The following TENM2 variants were observed in gnomAD, a reference collection of about 807,000 sequenced individuals.
TENM2 encodes the protein teneurin-2.
A neutral mutation model predicts 245.2 loss-of-function variants in TENM2; 52 were observed. That is an observed-to-expected ratio of 0.21 (90% CI 0.17 to 0.27). The LOEUF is 0.27. Among genes scored for constraint, TENM2 ranks in the 10% least tolerant of loss-of-function variants. The pLI is 1.00. For missense variants in TENM2, 3,046 were observed against 3,666.8 expected, an observed-to-expected ratio of 0.83 and a Z score of 4.37; for synonymous variants, 1,363 against 1,438.9, an observed-to-expected ratio of 0.95 and a Z score of 1.19.
At chr5:167,898,421 T>G (rs1775419270) in intron 3 of TENM2, among the ~76,000 whole-genome samples, 1 of 152,092 alleles carries the variant, frequency 6.6e-6, no homozygotes, top group Non-Finnish European at 1.5e-5. Flanking sequence ...CCCTTTAAGC[T>G]TAAATTGGCA....
chr5:167,667,503 A>C (rs1440596006), intron 2 of TENM2, among the ~76,000 whole-genome samples: 1 of 152,198 alleles, frequency 6.6e-6, no homozygotes, highest in African/African-American at 2.4e-5. Context: ...AAGTGCATGG[A>C]ATTATTAGAT....
the TENM2 span, among the ~76,000 whole-genome samples, chr5:167,238,411 T>TA: frequency 1.3e-5 from 2 of 152,166 alleles, no homozygotes; most frequent in Non-Finnish European, 2.9e-5. Context: ...TCTTGCCACA[T>TA]AGAGTATTTC....
intron 2 of TENM2, among the ~76,000 whole-genome samples, chr5:167,613,171 A>G (rs1777582259): frequency 6.6e-6 from 1 of 152,200 alleles, no homozygotes; most frequent in Non-Finnish European, 1.5e-5. Flanking sequence ...GTGGGTTCAG[A>G]CACTGGCTCC....
the TENM2 span, among the ~76,000 whole-genome samples, chr5:167,193,321 C>T: frequency 6.6e-6 from 1 of 151,978 alleles, no homozygotes; most frequent in Non-Finnish European, 1.5e-5. Flanking sequence ...TGTGCAATTC[C>T]TGTGACTGTT....
chr5:167,671,810 A>G (rs1755965110), intron 2 of TENM2, among the ~76,000 whole-genome samples: 1 of 151,126 alleles, frequency 6.6e-6, no homozygotes, highest in African/African-American at 2.4e-5. Flanking sequence ...TAGAATAGGC[A>G]CAGATATTTT....
Position 167,311,707 on chromosome 5 carries a change from G to A in TENM2, c.226+26644G>A, listed in dbSNP as rs114618523. 9.3e-3 allele frequency among the ~76,000 whole-genome samples: 1,423 copies of A among 152,224 alleles called. 5 individuals carry two copies. The highest frequency in any genetic ancestry group is 0.016 in the African/African-American group (680 of 41,534). On this transcript the variant is annotated intron_variant, in intron 1 of 28. Transcript: ENST00000518659. Reference sequence around the variant, plus strand: ...TATTTAAAATTATGCTAATGGAGAGGTAATAAAAGAACGAGTAGGCCAGGT... The same window carrying A: ...TATTTAAAATTATGCTAATGGAGAGATAATAAAAGAACGAGTAGGCCAGGT...
intron 1 of TENM2, among the ~76,000 whole-genome samples, chr5:167,334,515 G>A (rs1003664990): frequency 2.0e-5 from 3 of 152,120 alleles, no homozygotes; most frequent in Non-Finnish European, 2.9e-5. Context: ...GACTTTTCTA[G>A]GTAGACAATG....
chr5:168,155,169 G>A (rs1757043796), intron 12 of TENM2, among the ~76,000 whole-genome samples: 1 of 152,146 alleles, frequency 6.6e-6, no homozygotes, highest in South Asian at 2.1e-4. Flanking sequence ...AATTTTCTGA[G>A]CATTTGCCAC....
At chr5:167,583,805 C>G (rs1180259403) in intron 2 of TENM2, among the ~76,000 whole-genome samples, 1 of 152,210 alleles carries the variant, frequency 6.6e-6, no homozygotes, top group African/African-American at 2.4e-5. Context: ...CTACATTTTC[C>G]ATTCCATCTC....
At chr5:167,239,834 G>A in the TENM2 span, among the ~76,000 whole-genome samples, 27 of 152,264 alleles carry the variant, frequency 1.8e-4, no homozygotes, top group East Asian at 3.9e-4. Flanking sequence ...GTGCAATGGC[G>A]TGATCTCAGC....
intron 27 of TENM2, among the ~76,000 whole-genome samples, chr5:168,251,072 G>C (rs1767069561): frequency 6.6e-6 from 1 of 152,118 alleles, no homozygotes. Context: ...AGGTTGACTA[G>C]GCCTACCTTA....
At chr5:167,207,626 C>T in the TENM2 span, among the ~76,000 whole-genome samples, 1 of 152,184 alleles carries the variant, frequency 6.6e-6, no homozygotes, top group Non-Finnish European at 1.5e-5. Context: ...CTGTTCCAGG[C>T]ACTCTCCTCC....
intron 9 of TENM2, among the ~76,000 whole-genome samples, chr5:168,117,780 A>G (rs1348254762): frequency 6.6e-6 from 1 of 152,186 alleles, no homozygotes; most frequent in Admixed American, 6.5e-5. Flanking sequence ...TAGGAATAAG[A>G]GTCGACTGAT....
intron 1 of TENM2, among the ~76,000 whole-genome samples, chr5:167,306,996 A>C (rs2127746082): frequency 6.6e-6 from 1 of 152,278 alleles, no homozygotes; most frequent in South Asian, 2.1e-4. Context: ...ATCAAACCCA[A>C]GCTATTGCAC....
At chr5:167,615,741 C>T (rs1777751444) in intron 2 of TENM2, among the ~76,000 whole-genome samples, 1 of 151,864 alleles carries the variant, frequency 6.6e-6, no homozygotes, top group Non-Finnish European at 1.5e-5. Flanking sequence ...AGTCACTCAT[C>T]ACTTAAGAAA....
At position 168,069,829 on chromosome 5, in the gene TENM2, A is replaced by C. The variant is rs567085828; in HGVS notation, c.1515+7564A>C. On this transcript the variant is annotated intron_variant, in intron 7 of 28. Transcript: ENST00000518659. ...GCTGCCAAAAACAGGAATTTTATCA[A>C]GTCAAGGAGAATGGTGGTGGGGATC... Among the ~76,000 whole-genome samples the C allele has an allele frequency of 2.0e-5, 3 of 152,282 alleles. No individual in the cohort carries two copies. The South Asian group carries it at 6.2e-4, about 32-fold the overall frequency.
intron 2 of TENM2, among the ~76,000 whole-genome samples, chr5:167,573,097 T>C (rs1774387245): frequency 2.0e-5 from 3 of 151,988 alleles, no homozygotes; most frequent in Non-Finnish European, 4.4e-5. Context: ...AAGACAATTA[T>C]CAAGACGAAG....
chr5:167,681,718 C>T (rs993229944), intron 2 of TENM2, among the ~76,000 whole-genome samples: 1 of 152,058 alleles, frequency 6.6e-6, no homozygotes, highest in East Asian at 1.9e-4. Context: ...CCAAATTGCC[C>T]TCCAAAAAGA....
intron 1 of TENM2, among the ~76,000 whole-genome samples, chr5:167,331,862 G>C (rs1283384949): frequency 6.6e-6 from 1 of 152,140 alleles, no homozygotes; most frequent in African/African-American, 2.4e-5. Context: ...TCCTCCTTTT[G>C]TGTAGCCTAT....
Sources: allele counts gnomAD v4.1 joint callset (sites outside exome capture counted in the v4.1 genomes callset), GRCh38; gene constraint gnomAD v4.1.1; transcripts MANE v1.5; gene names NCBI Gene and HGNC (gene_info 2026-07-23, HGNC 2026-07-21).